Variants in TSPOAP1 observed in about 807,000 individuals in gnomAD.
TSPOAP1 encodes the protein TSPO associated protein 1, also known as peripheral-type benzodiazepine receptor-associated protein 1.
A neutral mutation model predicts 197.0 loss-of-function variants in TSPOAP1; 87 were observed. The observed-to-expected ratio is 0.44, with a 90% confidence interval of 0.37 to 0.53. The LOEUF (loss-of-function observed/expected upper bound fraction) is 0.53. Among genes scored for constraint, TSPOAP1 ranks in the 20% least tolerant of loss-of-function variants. TSPOAP1 has a pLI of 0.00. For missense variants in TSPOAP1, 2,174 were observed against 2,411.3 expected, an observed-to-expected ratio of 0.90 and a Z score of 2.06; for synonymous variants, 913 against 998.9, an observed-to-expected ratio of 0.91 and a Z score of 1.62.
intron 18 of TSPOAP1, 21 bp downstream of exon 18, chr17:58,311,550 G>A (rs770125460): frequency 6.5e-7 from 1 of 1,540,164 alleles, no homozygotes; most frequent in Non-Finnish European, 8.8e-7. Context: ...CACTCCCAGG[G>A]TACAGTGGGC....
chr17:58,313,021 G>A (rs548574893), intron 16 of TSPOAP1, among the ~76,000 whole-genome samples: 3 of 152,318 alleles, frequency 2.0e-5, no homozygotes, highest in Admixed American at 2.0e-4. Context: ...TCTGGATGGG[G>A]CTGAGATTCT....
chr17:58,325,861 A>G, intron 3 of TSPOAP1, 148 bp from the exon 4 acceptor site: 1 of 781,752 alleles, frequency 1.3e-6, no homozygotes, highest in South Asian at 1.8e-5. Flanking sequence ...GAAAACCAGC[A>G]GCCTCACTCT....
At chr17:58,306,499 C>G (rs542757066) in intron 25 of TSPOAP1, 86 bp from the exon 26 acceptor site, 2 of 1,277,668 alleles carry the variant, frequency 1.6e-6, no homozygotes, top group Admixed American at 4.4e-5. Flanking sequence ...CAGGGCCGTG[C>G]TAGGTTACTG....
chr17:58,308,135 C>A (rs1427499579), intron 22 of TSPOAP1, among the ~76,000 whole-genome samples, 194 bp from the exon 23 acceptor site: 1 of 152,152 alleles, frequency 6.6e-6, no homozygotes, highest in South Asian at 2.1e-4. Context: ...GAGGGGAGGC[C>A]CCAGCCCCAG....
chr17:58,303,944 A>G (rs1481333168), intron 31 of TSPOAP1: 2 of 161,526 alleles, frequency 1.2e-5, no homozygotes, highest in Non-Finnish European at 2.7e-5. Context: ...TTACAGTGTC[A>G]CCCTGGCACC....
rs369318203 is a variant in TSPOAP1 at position 58,322,706 on chromosome 17, C to A, written c.1265G>T (p.Arg422Leu). ...CTTGCTCTGCAGGCCCTGGCTCTTG[C>A]GAAGGGCTGAGTCCCTCTCCTGTGT... is the stretch of plus-strand genomic sequence containing the variant. The part of the protein sequence containing the change: ...GVTQERDSAL[R>L]KSQGLQSKLE... The change falls in exon 9 of 32, where the codon CGC (arginine) becomes CTC (leucine). Residue 422 changes from arginine to leucine, a missense_variant. Arg to Leu is a moderately radical substitution (Grantham distance 102). Around this residue, in one of 5 missense-constraint regions of TSPOAP1, gnomAD observed 1,933 missense variants for 2,139.0 expected, o/e 0.90. Coordinates refer to ENST00000343736, the MANE Select transcript of TSPOAP1 (RefSeq NM_004758.4). This position sits in a 1 kb window ranked among gnomAD's most constrained non-coding sequence, Gnocchi z 5.0. 6.2e-7 allele frequency: 1 copy of A among 1,612,452 alleles called. No individual in the cohort carries two copies. Among genetic ancestry groups the A allele is most frequent in the Admixed American group, 1.7e-5 (1 of 60,026 alleles).
rs1161806316 is a variant in TSPOAP1 at position 58,326,400 on chromosome 17, T to C, written c.463A>G (p.Thr155Ala). ...TTCAGCCTCCGCACCTTCTCTTCTG[T>C]CTCAGGGAAGCTGCTCTTCCTCTGA... is the stretch of plus-strand genomic sequence containing the variant. Reference protein sequence around the residue: ...QMLRKSSFPETEEKVRRLKRK... With the variant: ...QMLRKSSFPEAEEKVRRLKRK... Residue 155 changes from threonine to alanine, a missense_variant, in exon 3 of 32, where the codon ACA becomes GCA. Thr to Ala is a moderately conservative substitution (Grantham distance 58). This residue lies in a region of TSPOAP1 where 1,933 missense variants were observed against 2,139.0 expected (regional missense o/e 0.90). Coordinates refer to ENST00000343736, the MANE Select transcript of TSPOAP1 (RefSeq NM_004758.4). This position sits in a 1 kb window ranked among gnomAD's most constrained non-coding sequence, Gnocchi z 4.7. 6 of 1,613,720 alleles carry C rather than the reference T, an allele frequency of 3.7e-6. No individual in the cohort carries two copies. Among genetic ancestry groups the C allele is most frequent in the Non-Finnish European group, 4.2e-6 (5 of 1,180,020 alleles).
At chr17:58,308,338 A>G (rs897949856) in intron 22 of TSPOAP1, among the ~76,000 whole-genome samples, 4 of 152,202 alleles carry the variant, frequency 2.6e-5, no homozygotes, top group Non-Finnish European at 5.9e-5. Context: ...GTGATAGAAT[A>G]TTGTGCATCC....
Position 58,318,468 on chromosome 17 carries a change from C to T in TSPOAP1, c.1700-16G>A. On this transcript the variant is annotated splice_polypyrimidine_tract_variant and intron_variant, in intron 13 of 31. Coordinates refer to ENST00000343736, the MANE Select transcript of TSPOAP1 (RefSeq NM_004758.4). ...AGGTCAAGGTCTAAAGAGAAGATGGCACGTGGGCTTGGGGTCTGTGGCCTG... is the reference window on the plus strand; with the variant it reads ...AGGTCAAGGTCTAAAGAGAAGATGGTACGTGGGCTTGGGGTCTGTGGCCTG... The T allele has an allele frequency of 6.2e-7, 1 of 1,606,466 alleles. No individual in the cohort carries two copies. Among genetic ancestry groups the T allele is most frequent in the Non-Finnish European group, 8.5e-7 (1 of 1,176,962 alleles).
At chr17:58,320,281 G>T in intron 11 of TSPOAP1, 152 bp from the exon 12 acceptor site, 1 of 1,057,710 alleles carries the variant, frequency 9.5e-7, no homozygotes. Flanking sequence ...GGATATCTCA[G>T]GGTGAAGGCA....
chr17:58,306,744 G>T (rs1970906864), intron 25 of TSPOAP1, 56 bp downstream of exon 25: 1 of 1,568,836 alleles, frequency 6.4e-7, no homozygotes, highest in African/African-American at 1.3e-5. Context: ...CTCAGGGTCA[G>T]GTGGAGTTGG....
At chr17:58,305,308 C>T in intron 29 of TSPOAP1, 79 bp downstream of exon 29, 1 of 1,564,922 alleles carries the variant, frequency 6.4e-7, no homozygotes, top group South Asian at 1.1e-5. Flanking sequence ...TCCGGACTTC[C>T]TGAGGGTTCC....
intron 5 of TSPOAP1, among the ~76,000 whole-genome samples, chr17:58,323,898 G>A (rs1397424330): frequency 6.6e-6 from 1 of 152,196 alleles, no homozygotes; most frequent in African/African-American, 2.4e-5. Context: ...GTCCTTCAGC[G>A]ACTGGCAGAG....
chr17:58,311,270 G>C, intron 18 of TSPOAP1, 57 bp from the exon 19 acceptor site: 1 of 1,588,232 alleles, frequency 6.3e-7, no homozygotes, highest in Non-Finnish European at 8.5e-7. Flanking sequence ...CCAAGCGTGA[G>C]GATGCACTGA....
In TSPOAP1 at chr17:58,311,952, G is replaced by A; in HGVS notation, c.2869C>T (p.Pro957Ser). 6.3e-7 allele frequency: 1 copy of A among 1,598,080 alleles called. No individual in the cohort carries two copies. The highest frequency in any genetic ancestry group is 1.7e-5 in the Admixed American group (1 of 59,044). ...AQLPPQGPWE[P>S]GWERLEQRAA... ...CGCTGCTCCAGCCTCTCCCAGCCTG[G>A]TTCCCAGGGCCCTTGGGGTGGGAGC... The change falls in exon 17 of 32, where the codon CCA becomes TCA. Residue 957 changes from proline to serine, a missense_variant. Physicochemically the swap from Pro to Ser is moderately conservative, Grantham distance 74. Around this residue, in one of 5 missense-constraint regions of TSPOAP1, gnomAD observed 1,933 missense variants for 2,139.0 expected, o/e 0.90. Transcript: ENST00000343736.
chr17:58,323,168 G>A (rs1184192422), intron 7 of TSPOAP1, 129 bp from the exon 8 acceptor site: 2 of 1,468,750 alleles, frequency 1.4e-6, no homozygotes, highest in Non-Finnish European at 9.4e-7. Context: ...AGCCAGGAAA[G>A]GAAAGGAGCA....
chr17:58,305,222 T>C (rs1970843012), intron 29 of TSPOAP1, 51 bp from the exon 30 acceptor site: 2 of 1,524,124 alleles, frequency 1.3e-6, no homozygotes, highest in Non-Finnish European at 1.8e-6. Flanking sequence ...GCTCTGGCCC[T>C]GCCCCTCGAC....
At position 58,308,948 on chromosome 17, in the gene TSPOAP1, G is replaced by A. The variant is rs371656253; in HGVS notation, c.4324C>T (p.Arg1442Ter). The change falls in exon 22 of 32, where the codon CGA becomes TGA. Residue 1442 changes from arginine (R) to a stop codon, truncating the protein, a stop_gained. Transcript: ENST00000343736. LOFTEE classifies it high-confidence loss of function. ...LSNNGPQASG[R>*]LGPTRERGGL... ...CCCCTCTCCCGTGTGGGGCCCAGTC[G>A]TCCAGAGGCCTGGGGCCCATTGTTG... The A allele has an allele frequency of 1.2e-5, 20 of 1,605,084 alleles. No homozygotes were observed. The highest frequency in any genetic ancestry group is 2.7e-5 in the African/African-American group (2 of 74,488).
Position 58,304,822 on chromosome 17 carries a change from C to A in TSPOAP1, c.5544+239G>T, listed in dbSNP as rs568319986. 11 of 631,436 alleles carry A rather than the reference C, an allele frequency of 1.7e-5. No homozygotes were observed. Among genetic ancestry groups the A allele is most frequent in the South Asian group, 1.7e-4 (10 of 57,972 alleles). 39.1% of individuals were successfully genotyped at this position (631,436 alleles called of 1,614,324 possible). Reference sequence around the variant, plus strand: ...TCAGCCACCAGGTGTTGGCAGCTGGCGAGATGGCCTGAGGGTCAGGGTCAC... The same window carrying A: ...TCAGCCACCAGGTGTTGGCAGCTGGAGAGATGGCCTGAGGGTCAGGGTCAC... On this transcript the variant is annotated intron_variant, in intron 30 of 31. Coordinates refer to ENST00000343736, the MANE Select transcript of TSPOAP1 (RefSeq NM_004758.4). This position sits in a 1 kb window ranked among gnomAD's most constrained non-coding sequence, Gnocchi z 4.2.
Sources: allele counts gnomAD v4.1 joint callset (sites outside exome capture counted in the v4.1 genomes callset), GRCh38; gene constraint gnomAD v4.1.1; regional missense constraint gnomAD v4.1.1; non-coding constraint Gnocchi (gnomAD v3.1); transcripts MANE v1.5; gene names NCBI Gene and HGNC (gene_info 2026-07-23, HGNC 2026-07-21).